ZFAT: variants seen among roughly 807,000 people sequenced by gnomAD.
The protein encoded by ZFAT is zinc finger protein ZFAT.
Under a neutral mutation model 117.7 loss-of-function variants are expected in ZFAT, and 64 were observed. The ratio of observed to expected loss-of-function variants is 0.54; its 90% CI spans 0.44 to 0.67. The LOEUF (loss-of-function observed/expected upper bound fraction) is 0.67, where lower values mean the gene tolerates loss of function less well. Ranked by LOEUF, ZFAT falls within the 30% of genes least tolerant of loss-of-function variation. The pLI, the probability that ZFAT is intolerant of heterozygous loss-of-function variation, is 0.00. For missense variants in ZFAT, 1,433 were observed against 1,584.5 expected, an observed-to-expected ratio of 0.90 and a Z score of 1.62; for synonymous variants, 679 against 615.0, an observed-to-expected ratio of 1.10 and a Z score of -1.54.
intron 11 of ZFAT, among the ~76,000 whole-genome samples, chr8:134,564,452 T>C (rs1042212850): frequency 6.6e-6 from 1 of 152,194 alleles, no homozygotes; most frequent in Non-Finnish European, 1.5e-5. Flanking sequence ...ACAGGCCCTA[T>C]ATCAGGACAG....
intron 5 of ZFAT, among the ~76,000 whole-genome samples, 194 bp downstream of exon 5, chr8:134,608,535 A>G (rs1181838135): frequency 2.0e-5 from 3 of 152,178 alleles, no homozygotes; most frequent in African/African-American, 2.4e-5. Context: ...TCTGCAACAC[A>G]CTGGAGGCTC....
the ZFAT span, among the ~76,000 whole-genome samples, chr8:134,759,970 C>CAAAAAGAAAAAA: frequency 1.9e-5 from 1 of 53,174 alleles, no homozygotes. Context: ...GACTCCGTCT[C>CAAAAAGAAAAAA]AAAAAAAAAA....
the ZFAT span, among the ~76,000 whole-genome samples, chr8:134,730,026 T>C: frequency 6.6e-6 from 1 of 152,224 alleles, no homozygotes; most frequent in Non-Finnish European, 1.5e-5. Flanking sequence ...TTTGGGTCAG[T>C]TAGATTAGGC....
At chr8:134,815,353 G>A in the ZFAT span, among the ~76,000 whole-genome samples, 1 of 152,150 alleles carries the variant, frequency 6.6e-6, no homozygotes, top group Non-Finnish European at 1.5e-5. Flanking sequence ...CTAGAGACTT[G>A]CTGGGATTTT....
the ZFAT span, among the ~76,000 whole-genome samples, chr8:134,815,595 C>T: frequency 6.6e-6 from 1 of 152,326 alleles, no homozygotes; most frequent in East Asian, 1.9e-4. Context: ...AGACCCTACA[C>T]TAGCTGGTCC....
chr8:134,590,204 T>C (rs1309593510), intron 8 of ZFAT, 64 bp downstream of exon 8: 13 of 1,291,820 alleles, frequency 1.0e-5, no homozygotes, highest in Non-Finnish European at 1.4e-5. Context: ...ATGTAAAACA[T>C]TGTTTTAAAA....
intron 11 of ZFAT, among the ~76,000 whole-genome samples, chr8:134,537,474 G>A (rs1055545542): frequency 1.3e-5 from 2 of 152,186 alleles, no homozygotes; most frequent in Non-Finnish European, 2.9e-5. Flanking sequence ...ACAGTGGACC[G>A]GGAGAGATGT....
In ZFAT at chr8:134,540,547, T is replaced by C. The variant is rs375806006; in HGVS notation, c.2977-7575A>G. 2.8e-3 allele frequency among the ~76,000 whole-genome samples: 428 copies of C among 152,336 alleles called. 3 individuals carry two copies. Among genetic ancestry groups the C allele is most frequent in the African/African-American group, 9.7e-3 (405 of 41,586 alleles). On this transcript the variant is annotated intron_variant, in intron 11 of 15. Coordinates refer to ENST00000377838, the MANE Select transcript of ZFAT (RefSeq NM_020863.4). ...TGTAGGAGGCTGCCTGCCTGCAGCA[T>C]GCAGGCACAGAGTCCCTCCATCACC...
At chr8:134,500,657 A>G (rs996941163) in intron 15 of ZFAT, among the ~76,000 whole-genome samples, 6 of 152,258 alleles carry the variant, frequency 3.9e-5, no homozygotes, top group African/African-American at 1.4e-4. Context: ...TCATACCAGA[A>G]GCAGAAGTCT....
At chr8:134,694,781 A>T (rs1338674276) in intron 1 of ZFAT, among the ~76,000 whole-genome samples, 1 of 152,192 alleles carries the variant, frequency 6.6e-6, no homozygotes, top group Non-Finnish European at 1.5e-5. Context: ...TGGCTCAAAG[A>T]ATAAAAGGTG....
intron 10 of ZFAT, among the ~76,000 whole-genome samples, chr8:134,566,229 C>T (rs1335594274): frequency 1.3e-5 from 2 of 151,974 alleles, no homozygotes; most frequent in Non-Finnish European, 2.9e-5. Flanking sequence ...CCTGTCTCTA[C>T]TAAAAACACA....
chr8:134,792,249 A>C, the ZFAT span: 2 of 152,186 alleles, frequency 1.3e-5, no homozygotes, highest in Non-Finnish European at 2.9e-5. Flanking sequence ...ATTTTCTCTA[A>C]CCTTCTACCT....
Position 134,590,333 on chromosome 8 carries a change from G to A in ZFAT, c.2498C>T (p.Pro833Leu). 6.2e-7 allele frequency: 1 copy of A among 1,612,742 alleles called. No individual in the cohort carries two copies. The highest frequency in any genetic ancestry group is 8.5e-7 in the Non-Finnish European group (1 of 1,179,046). Residue 833 changes from proline (P) to leucine (L), a missense_variant, in exon 8 of 16, where the codon CCT becomes CTT. Physicochemically the swap from Pro to Leu is moderately conservative, Grantham distance 98. Around this residue, in one of 5 missense-constraint regions of ZFAT, gnomAD observed 503 missense variants for 543.4 expected, o/e 0.93. Coordinates refer to ENST00000377838, the MANE Select transcript of ZFAT (RefSeq NM_020863.4). ...TALDKRSYSC[P>L]VCEKSFSEDR... is the part of the protein sequence containing the mutation. ...CTCTGAAAAAGACTTTTCACAAACA[G>A]GACAAGAATAACTCCTTTTGTCCTT...
intron 5 of ZFAT, among the ~76,000 whole-genome samples, chr8:134,605,448 A>C (rs1013147177): frequency 5.3e-5 from 8 of 151,546 alleles, no homozygotes; most frequent in African/African-American, 1.9e-4. Context: ...CGGGAGGCTG[A>C]GGCGGGAGAA....
chr8:134,479,618 C>A (rs1817145918), intron 15 of ZFAT, among the ~76,000 whole-genome samples: 1 of 152,150 alleles, frequency 6.6e-6, no homozygotes, highest in South Asian at 2.1e-4. Flanking sequence ...AGCAAAGGGG[C>A]CTGGAATTAT....
At chr8:134,532,093 T>C (rs1368590303) in intron 12 of ZFAT, among the ~76,000 whole-genome samples, 1 of 152,196 alleles carries the variant, frequency 6.6e-6, no homozygotes, top group Admixed American at 6.5e-5. Flanking sequence ...TAACAGCACA[T>C]AAGCTAAGCC....
At position 134,601,670 on chromosome 8, in the gene ZFAT, G is replaced by T. The variant is rs1827475246; in HGVS notation, c.2049C>A (p.Asp683Glu). ...CLRSNPAEASDLLPPVAGGGD... is the reference protein window; with the variant it reads ...CLRSNPAEASELLPPVAGGGD... ...CACCACCAGCTACTGGAGGGAGGAGGTCTGAGGCCTCAGCTGGGTTTGACC... is the reference window on the plus strand; with the variant it reads ...CACCACCAGCTACTGGAGGGAGGAGTTCTGAGGCCTCAGCTGGGTTTGACC... The change falls in exon 6 of 16, where the codon GAC (aspartate) becomes GAA (glutamate). Residue 683 changes from aspartate to glutamate, a missense_variant. This residue lies in a region of ZFAT where 372 missense variants were observed against 355.6 expected (regional missense o/e 1.05). Transcript: ENST00000377838. The T allele has an allele frequency of 1.2e-6, 2 of 1,614,038 alleles. No individual in the cohort carries two copies. The highest frequency in any genetic ancestry group is 1.1e-5 in the South Asian group (1 of 91,086).
At chr8:134,585,754 G>A (rs1260437855) in intron 9 of ZFAT, among the ~76,000 whole-genome samples, 3 of 152,076 alleles carry the variant, frequency 2.0e-5, no homozygotes, top group African/African-American at 4.8e-5. Flanking sequence ...TCACCCCAAG[G>A]CGATATACCA....
At chr8:134,561,856 C>T (rs1203128561) in intron 11 of ZFAT, among the ~76,000 whole-genome samples, 1 of 152,150 alleles carries the variant, frequency 6.6e-6, no homozygotes, top group Non-Finnish European at 1.5e-5. Context: ...TGATCTACCA[C>T]AGAGTAGACG....
Sources: allele counts gnomAD v4.1 joint callset (sites outside exome capture counted in the v4.1 genomes callset), GRCh38; gene constraint gnomAD v4.1.1; regional missense constraint gnomAD v4.1.1; transcripts MANE v1.5; gene names NCBI Gene and HGNC (gene_info 2026-07-23, HGNC 2026-07-21).